The following DCDC1 variants were observed in gnomAD, a reference collection of about 807,000 sequenced individuals.
DCDC1 encodes doublecortin domain-containing protein 1.
A neutral mutation model predicts 178.3 loss-of-function variants in DCDC1; 200 were observed. The ratio of observed to expected loss-of-function variants is 1.12; its 90% CI spans 1.00 to 1.26. The LOEUF (loss-of-function observed/expected upper bound fraction) is 1.26, where lower values mean the gene tolerates loss of function less well. Ranked by LOEUF, DCDC1 falls within the 50% of genes most tolerant of loss-of-function variation. The pLI, the probability that DCDC1 is intolerant of heterozygous loss-of-function variation, is 0.00. For synonymous variants in DCDC1, 690 were observed against 604.8 expected (o/e 1.14, Z -2.07); for missense variants, 1,983 against 1,749.2 (o/e 1.13, Z -2.38).
chr11:31,352,423 A>G (rs955818166), intron 1 of DCDC1, among the ~76,000 whole-genome samples: 1 of 152,190 alleles, frequency 6.6e-6, no homozygotes, highest in African/African-American at 2.4e-5. Flanking sequence ...TCAGCATAAT[A>G]AAAACATGAT....
At chr11:30,904,694 GC>G (rs1465700297) in intron 31 of DCDC1, 1 of 446,946 alleles carries the variant, frequency 2.2e-6, no homozygotes, top group Non-Finnish European at 4.0e-6. Flanking sequence ...AAATCCAGTA[GC>G]TTTGTTTTCC....
intron 9 of DCDC1, among the ~76,000 whole-genome samples, chr11:31,202,461 C>G (rs1223966722): frequency 6.6e-6 from 1 of 151,784 alleles, no homozygotes; most frequent in Non-Finnish European, 1.5e-5. Flanking sequence ...GTCCCTGTTA[C>G]TCAGGAGGCT....
chr11:30,994,685 T>A (rs1354478427), intron 20 of DCDC1, among the ~76,000 whole-genome samples: 1 of 145,442 alleles, frequency 6.9e-6, no homozygotes, highest in Non-Finnish European at 1.5e-5. Flanking sequence ...ATATATAACA[T>A]ATTATTGTTA....
At chr11:31,342,428 G>A (rs1289709671) in intron 1 of DCDC1, among the ~76,000 whole-genome samples, 1 of 152,146 alleles carries the variant, frequency 6.6e-6, no homozygotes, top group Non-Finnish European at 1.5e-5. Context: ...AAATGAAATG[G>A]TGAACTTGGA....
chr11:30,942,402 G>A (rs1280757768), intron 21 of DCDC1, among the ~76,000 whole-genome samples: 5 of 152,084 alleles, frequency 3.3e-5, no homozygotes, highest in Admixed American at 6.6e-5. Context: ...GCAAGGGTTG[G>A]GTAGGTGAGA....
chr11:31,355,993 G>A (rs79000303), intron 1 of DCDC1, among the ~76,000 whole-genome samples: 17 of 152,232 alleles, frequency 1.1e-4, no homozygotes, highest in African/African-American at 3.9e-4. Context: ...AAGGAAATGG[G>A]AATGAGTAAC....
At chr11:30,947,518 G>T (rs371616704) in intron 21 of DCDC1, among the ~76,000 whole-genome samples, 21 of 152,156 alleles carry the variant, frequency 1.4e-4, no homozygotes, top group African/African-American at 4.8e-4. Flanking sequence ...GTATACAGAA[G>T]AATGAAACTA....
intron 6 of DCDC1, among the ~76,000 whole-genome samples, chr11:31,300,677 C>T (rs1426220376): frequency 6.6e-6 from 1 of 152,052 alleles, no homozygotes; most frequent in Non-Finnish European, 1.5e-5. Flanking sequence ...AAGCAAACCA[C>T]TCTGAAAGAA....
At chr11:31,271,990 C>G (rs1339436060) in intron 7 of DCDC1, among the ~76,000 whole-genome samples, 1 of 152,012 alleles carries the variant, frequency 6.6e-6, no homozygotes, top group Non-Finnish European at 1.5e-5. Flanking sequence ...GTTGATTCCC[C>G]ATCTCTACTA....
chr11:30,895,553 T>C (rs1256740040), intron 34 of DCDC1, among the ~76,000 whole-genome samples: 1 of 152,192 alleles, frequency 6.6e-6, no homozygotes, highest in Non-Finnish European at 1.5e-5. Context: ...TTATAGAGTA[T>C]AAAGCACTTG....
chr11:30,963,980 T>G (rs1949273696), intron 20 of DCDC1, among the ~76,000 whole-genome samples: 1 of 152,118 alleles, frequency 6.6e-6, no homozygotes, highest in South Asian at 2.1e-4. Flanking sequence ...TCTTGTCCTG[T>G]TTTTCCTTCT....
intron 16 of DCDC1, among the ~76,000 whole-genome samples, chr11:31,091,875 G>A (rs1393915190): frequency 6.6e-6 from 1 of 152,108 alleles, no homozygotes; most frequent in African/African-American, 2.4e-5. Flanking sequence ...AAAAAAAATA[G>A]TGCAGTGAAC....
intron 9 of DCDC1, among the ~76,000 whole-genome samples, chr11:31,151,834 G>A (rs776590977): frequency 5.9e-5 from 9 of 152,076 alleles, no homozygotes; most frequent in East Asian, 3.8e-4. Context: ...AATAGTTATC[G>A]AAAGGTACAA....
intron 20 of DCDC1, among the ~76,000 whole-genome samples, chr11:30,971,641 A>C (rs1179316827): frequency 1.0e-4 from 12 of 118,144 alleles, no homozygotes; most frequent in African/African-American, 4.2e-4. Flanking sequence ...ACGGAGTCTC[A>C]CTCTGCCACC....
At chr11:31,312,884 G>C (rs1948853024) in intron 3 of DCDC1, 1 of 151,994 alleles carries the variant, frequency 6.6e-6, no homozygotes. Flanking sequence ...GGCTGGACAT[G>C]GGTGGCTTAT....
chr11:31,353,307 C>T (rs1200067601), intron 1 of DCDC1, among the ~76,000 whole-genome samples: 1 of 152,198 alleles, frequency 6.6e-6, no homozygotes, highest in Non-Finnish European at 1.5e-5. Flanking sequence ...TAACTAGCAG[C>T]ATAGCCTGAA....
chr11:31,246,628 T>C (rs908625655), intron 8 of DCDC1, among the ~76,000 whole-genome samples: 3 of 152,002 alleles, frequency 2.0e-5, no homozygotes, highest in East Asian at 1.9e-4. Context: ...ATGTTCCTTA[T>C]CCAGCTTTAC....
intron 9 of DCDC1, among the ~76,000 whole-genome samples, chr11:31,139,910 T>C (rs544276596): frequency 6.6e-6 from 1 of 152,268 alleles, no homozygotes; most frequent in East Asian, 1.9e-4. Flanking sequence ...AAATAAATGG[T>C]CATCAAAATA....
At position 30,893,011 on chromosome 11, in the gene DCDC1, C is replaced by G. The variant is rs761166563; in HGVS notation, c.4903-14G>C. The G allele has an allele frequency of 1.2e-6, 2 of 1,612,700 alleles. No individual in the cohort carries two copies. The highest frequency in any genetic ancestry group is 2.7e-5 in the African/African-American group (2 of 74,858). On this transcript the variant is annotated splice_polypyrimidine_tract_variant and intron_variant, in intron 35 of 38. Coordinates refer to ENST00000684477, the MANE Select transcript of DCDC1 (RefSeq NM_001387274.1). ...AGAAAGGTGTGCCTGTCAAGAAAAGCCCAGAGAATGTTGTGTTTAGAGAAC... is the reference window on the plus strand; with the variant it reads ...AGAAAGGTGTGCCTGTCAAGAAAAGGCCAGAGAATGTTGTGTTTAGAGAAC...
Sources: gnomAD v4.1 joint callset for allele counts (sites outside exome capture counted in the v4.1 genomes callset) on GRCh38, gnomAD v4.1.1 for gene constraint, MANE v1.5 for transcripts, NCBI Gene and HGNC (gene_info 2026-07-23, HGNC 2026-07-21) for gene names.